The following TRIP12 variants were observed in gnomAD, a reference collection of about 807,000 sequenced individuals.
TRIP12 encodes thyroid hormone receptor interactor 12.
TRIP12 carries 25 observed loss-of-function variants against 244.2 expected under a neutral mutation model. The observed-to-expected ratio is 0.10, with a 90% CI of 0.07 to 0.14. The LOEUF is 0.14. Ranked by LOEUF, TRIP12 falls within the 10% of genes least tolerant of loss-of-function variation. TRIP12 has a pLI of 1.00. For synonymous variants in TRIP12, 905 were observed against 873.1 expected (o/e 1.04, Z -0.64); for missense variants, 1,677 against 2,486.4 (o/e 0.67, Z 6.92).
intron 24 of TRIP12, among the ~76,000 whole-genome samples, 174 bp downstream of exon 24, chr2:229,797,516 C>T (rs769966015): frequency 7.2e-5 from 11 of 152,048 alleles, no homozygotes; most frequent in Non-Finnish European, 1.5e-4. Context: ...ACTGATGAAT[C>T]CTGATAGTCA....
At chr2:229,785,656 C>T (rs796195126) in intron 34 of TRIP12, 101 bp downstream of exon 34, 2 of 1,096,692 alleles carry the variant, frequency 1.8e-6, no homozygotes, top group Admixed American at 2.5e-5. Flanking sequence ...AGCAAAGTCT[C>T]CCAACTGTCT....
chr2:229,908,064 T>C (rs1054504701), intron 1 of TRIP12, among the ~76,000 whole-genome samples: 2 of 152,128 alleles, frequency 1.3e-5, no homozygotes, highest in Non-Finnish European at 2.9e-5. Flanking sequence ...AAACTTATCA[T>C]TATTCATACA....
intron 4 of TRIP12, among the ~76,000 whole-genome samples, chr2:229,856,957 T>C (rs2059699055): frequency 6.6e-6 from 1 of 152,238 alleles, no homozygotes. Flanking sequence ...TAACCTATCA[T>C]ACAGGTTAAA....
intron 8 of TRIP12, among the ~76,000 whole-genome samples, chr2:229,820,400 T>G (rs551918268): frequency 6.6e-6 from 1 of 152,130 alleles, no homozygotes; most frequent in East Asian, 1.9e-4. Flanking sequence ...AACCAAAACC[T>G]GATTTATCCT....
chr2:229,879,068 C>T (rs1042860188), intron 2 of TRIP12, among the ~76,000 whole-genome samples: 14 of 152,044 alleles, frequency 9.2e-5, no homozygotes, highest in Admixed American at 4.6e-4. Context: ...GCTTGGCCAC[C>T]GTGGCAAAAT....
At chr2:229,833,793 T>C (rs971884756) in intron 6 of TRIP12, among the ~76,000 whole-genome samples, 1 of 151,910 alleles carries the variant, frequency 6.6e-6, no homozygotes, top group South Asian at 2.1e-4. Context: ...TATTTTTGTA[T>C]ATGTTTTACA....
At chr2:229,775,904 C>T (rs1460450772) in intron 37 of TRIP12, among the ~76,000 whole-genome samples, 1 of 151,866 alleles carries the variant, frequency 6.6e-6, no homozygotes, top group African/African-American at 2.4e-5. Context: ...CTGTGCCACT[C>T]ATTTTATATT....
Position 229,764,313 on chromosome 2 carries a change from T to G in TRIP12, c.*3241A>C, listed in dbSNP as rs765543235. 1.3e-5 allele frequency: 2 copies of G among 152,220 alleles called. No homozygotes were observed. The highest frequency in any genetic ancestry group is 2.9e-5 in the Non-Finnish European group (2 of 68,044). The allele number at this position is 152,220 out of a possible 1,614,324, so 9.4% of individuals were successfully genotyped here. ...CCTAAGACTTATACAAAAGCATTTC[T>G]CAGAGAATCATAAATACAGAATATG... On this transcript the variant is annotated 3_prime_UTR_variant, in exon 42 of 42. Transcript: ENST00000675903.
At chr2:229,838,685 A>G (rs2055513698) in intron 5 of TRIP12, among the ~76,000 whole-genome samples, 1 of 152,220 alleles carries the variant, frequency 6.6e-6, no homozygotes. Context: ...TGAGTAATTA[A>G]GATTCAAAAT....
chr2:229,892,996 T>G (rs1397963923), intron 1 of TRIP12, among the ~76,000 whole-genome samples: 1 of 152,248 alleles, frequency 6.6e-6, no homozygotes, highest in Non-Finnish European at 1.5e-5. Context: ...TTACACAAAT[T>G]GAATTATCTT....
chr2:229,813,148 T>A (rs921701017), intron 13 of TRIP12, among the ~76,000 whole-genome samples: 1 of 152,168 alleles, frequency 6.6e-6, no homozygotes, highest in Non-Finnish European at 1.5e-5. Flanking sequence ...ATTTTTCATT[T>A]CTGTTTGGGA....
intron 1 of TRIP12, among the ~76,000 whole-genome samples, chr2:229,901,346 C>G (rs1395316447): frequency 6.6e-6 from 1 of 151,718 alleles, no homozygotes; most frequent in Non-Finnish European, 1.5e-5. Flanking sequence ...TTTGGCCAGG[C>G]GAGGTGGCTT....
Position 229,777,482 on chromosome 2 carries a change from G to A in TRIP12, c.5365-3C>T, listed in dbSNP as rs769893885. ...GGTAAGCCAAGGGGAAGGTCCACCT[G>A]AAATGGAATATGCATAATATTTTCA... On this transcript the variant is annotated splice_polypyrimidine_tract_variant and splice_region_variant and intron_variant, in intron 36 of 41. Transcript: ENST00000675903. 15 of 1,613,410 alleles carry A rather than the reference G, an allele frequency of 9.3e-6. No individual in the cohort carries two copies. In the African/African-American group the frequency reaches 1.9e-4, roughly 20 times the overall value.
intron 15 of TRIP12, among the ~76,000 whole-genome samples, chr2:229,809,762 C>T (rs374673082): frequency 5.3e-5 from 8 of 152,244 alleles, no homozygotes; most frequent in East Asian, 3.9e-4. Flanking sequence ...CAATGCTTTA[C>T]GGAGAATCTT....
chr2:229,832,226 A>T (rs969912223), intron 6 of TRIP12, among the ~76,000 whole-genome samples: 7 of 152,258 alleles, frequency 4.6e-5, no homozygotes, highest in African/African-American at 1.7e-4. Flanking sequence ...CCAAAGGCCA[A>T]ATCCAGTCCA....
rs896414547 is a variant in TRIP12, at chr2:229,866,444, CTT to C, written c.99-5915_99-5914del. Among the ~76,000 whole-genome samples, 13 of 152,208 alleles carry C rather than the reference CTT, an allele frequency of 8.5e-5. 1 individual carries two copies. The highest frequency in any genetic ancestry group is 3.1e-4 in the African/African-American group (13 of 41,534). On this transcript the variant is annotated intron_variant, in intron 2 of 41. Transcript: ENST00000675903. ...GTTATTTTTGTTATCAACTATTTTC[CTT>C]TTGTTTATCTTTGTAAAATGCTAAG...
intron 4 of TRIP12, among the ~76,000 whole-genome samples, chr2:229,849,345 G>A (rs1398637469): frequency 6.6e-6 from 1 of 152,204 alleles, no homozygotes; most frequent in African/African-American, 2.4e-5. Context: ...TGGGAAGACA[G>A]GAAGTATGTA....
intron 4 of TRIP12, among the ~76,000 whole-genome samples, chr2:229,842,202 G>C (rs1352500967): frequency 6.6e-6 from 1 of 152,110 alleles, no homozygotes; most frequent in African/African-American, 2.4e-5. Flanking sequence ...ACTTTAATTG[G>C]GAAAAGATGA....
intron 2 of TRIP12, among the ~76,000 whole-genome samples, chr2:229,870,909 C>T (rs1339931155): frequency 6.6e-6 from 1 of 152,092 alleles, no homozygotes. Context: ...CACGGTGGCT[C>T]ACACCTGTAA....
Sources: allele counts gnomAD v4.1 joint callset (sites outside exome capture counted in the v4.1 genomes callset), GRCh38; gene constraint gnomAD v4.1.1; transcripts MANE v1.5; gene names NCBI Gene and HGNC (gene_info 2026-07-23, HGNC 2026-07-21).